The following SLC25A21 variants were observed in gnomAD, a reference collection of about 807,000 sequenced individuals.
SLC25A21 encodes the protein mitochondrial 2-oxodicarboxylate carrier.
A neutral mutation model predicts 43.8 loss-of-function variants in SLC25A21; 47 were observed. The observed-to-expected ratio is 1.07, with a 90% CI of 0.85 to 1.37. The LOEUF (loss-of-function observed/expected upper bound fraction) is 1.37. Ranked by LOEUF, SLC25A21 falls within the 40% of genes most tolerant of loss-of-function variation. SLC25A21 has a pLI of 0.00. For synonymous variants in SLC25A21, 131 were observed against 121.3 expected (o/e 1.08, Z -0.52); for missense variants, 352 against 350.2 (o/e 1.00, Z -0.04).
intron 1 of SLC25A21, among the ~76,000 whole-genome samples, chr14:36,971,669 C>T (rs1959753243): frequency 6.6e-6 from 1 of 152,018 alleles, no homozygotes; most frequent in Non-Finnish European, 1.5e-5. Flanking sequence ...CTTTCTTCTG[C>T]CTATTAAACT....
chr14:36,723,337 A>C (rs1403390350), intron 6 of SLC25A21, among the ~76,000 whole-genome samples: 1 of 152,254 alleles, frequency 6.6e-6, no homozygotes, highest in East Asian at 1.9e-4. Flanking sequence ...TCAGCTACTG[A>C]ATTCTGCTAG....
At chr14:37,109,595 T>C (rs1407990154) in intron 1 of SLC25A21, among the ~76,000 whole-genome samples, 1 of 152,180 alleles carries the variant, frequency 6.6e-6, no homozygotes, top group South Asian at 2.1e-4. Flanking sequence ...CAGAGAGTGG[T>C]TGCGAAAGTA....
At chr14:36,760,581 T>C (rs536646566) in intron 3 of SLC25A21, among the ~76,000 whole-genome samples, 7 of 152,324 alleles carry the variant, frequency 4.6e-5, no homozygotes, top group Non-Finnish European at 8.8e-5. Flanking sequence ...AGCTCCATAC[T>C]GGCACTCCCT....
At chr14:36,877,399 A>T (rs1890568768) in intron 1 of SLC25A21, among the ~76,000 whole-genome samples, 1 of 152,226 alleles carries the variant, frequency 6.6e-6, no homozygotes, top group Non-Finnish European at 1.5e-5. Flanking sequence ...AACAGATAAT[A>T]GATCAGATGA....
intron 7 of SLC25A21, among the ~76,000 whole-genome samples, chr14:36,696,304 G>A (rs567204711): frequency 1.8e-4 from 28 of 152,304 alleles, no homozygotes; most frequent in African/African-American, 6.5e-4. Context: ...GCTGGATTCG[G>A]TTTGCCAGTA....
At chr14:36,870,834 A>G (rs530140287) in intron 2 of SLC25A21, 1 of 152,146 alleles carries the variant, frequency 6.6e-6, no homozygotes, top group African/African-American at 2.4e-5. Context: ...TCATGCTTAT[A>G]AGGCTTGGAA....
At chr14:36,918,919 C>T (rs1326501387) in intron 1 of SLC25A21, among the ~76,000 whole-genome samples, 1 of 151,754 alleles carries the variant, frequency 6.6e-6, no homozygotes, top group Non-Finnish European at 1.5e-5. Flanking sequence ...ATTTAACAAC[C>T]CTCCTCTGTG....
Position 36,754,936 on chromosome 14 carries a change from T to G in SLC25A21, c.204-20363A>C, listed in dbSNP as rs150560199. On this transcript the variant is annotated intron_variant, in intron 3 of 9. Coordinates refer to ENST00000331299, the MANE Select transcript of SLC25A21 (RefSeq NM_030631.4). ...AGCTAAGGGATGAGAAAAATTGAAT[T>G]TAGAAAACTCAATACACAGTTAATA... Among the ~76,000 whole-genome samples, 909 of 152,240 alleles carry G rather than the reference T, an allele frequency of 6.0e-3. 10 individuals are homozygous for G. The highest frequency in any genetic ancestry group is 0.02 in the African/African-American group (844 of 41,532).
intron 1 of SLC25A21, among the ~76,000 whole-genome samples, chr14:36,998,954 G>A (rs1566803025): frequency 6.6e-6 from 1 of 152,136 alleles, no homozygotes; most frequent in Non-Finnish European, 1.5e-5. Context: ...CTCATTCACT[G>A]TGTGAATGCA....
chr14:36,972,537 G>T (rs867267454), intron 1 of SLC25A21, among the ~76,000 whole-genome samples: 12 of 152,266 alleles, frequency 7.9e-5, no homozygotes, highest in Middle Eastern at 3.4e-3. Flanking sequence ...CAAGTAAACT[G>T]AACACTGGCC....
intron 7 of SLC25A21, among the ~76,000 whole-genome samples, chr14:36,689,162 CT>C (rs1165207430): frequency 6.6e-6 from 1 of 152,224 alleles, no homozygotes; most frequent in Non-Finnish European, 1.5e-5. Flanking sequence ...CAAGTCACAT[CT>C]TACGTGGATG....
intron 1 of SLC25A21, among the ~76,000 whole-genome samples, chr14:37,168,452 T>C (rs1190249020): frequency 1.3e-5 from 2 of 152,138 alleles, no homozygotes; most frequent in Non-Finnish European, 2.9e-5. Context: ...GACAGACCTA[T>C]ATCGTTATAG....
intron 1 of SLC25A21, among the ~76,000 whole-genome samples, chr14:37,170,031 G>A (rs1449426237): frequency 1.3e-5 from 2 of 151,988 alleles, no homozygotes; most frequent in Non-Finnish European, 2.9e-5. Flanking sequence ...AGTAGGATCA[G>A]AGTTTGATCT....
intron 7 of SLC25A21, among the ~76,000 whole-genome samples, chr14:36,707,271 G>A (rs746805015): frequency 1.3e-5 from 2 of 152,072 alleles, no homozygotes; most frequent in East Asian, 1.9e-4. Flanking sequence ...TCTCCTTTAC[G>A]CTCCTAAATG....
intron 1 of SLC25A21, among the ~76,000 whole-genome samples, chr14:36,924,041 G>C (rs1892056954): frequency 6.6e-6 from 1 of 152,144 alleles, no homozygotes. Flanking sequence ...TGCTGGAGAG[G>C]ATGTGGAGAA....
intron 2 of SLC25A21, among the ~76,000 whole-genome samples, chr14:36,844,890 G>A (rs1383289104): frequency 6.6e-6 from 1 of 152,170 alleles, no homozygotes; most frequent in African/African-American, 2.4e-5. Context: ...TCCTTTAGCT[G>A]GGACACAGCA....
intron 2 of SLC25A21, among the ~76,000 whole-genome samples, chr14:36,864,689 T>C (rs187875434): frequency 2.0e-3 from 310 of 152,276 alleles, no homozygotes; most frequent in African/African-American, 7.2e-3. Flanking sequence ...CATGACAAAA[T>C]CCCAATTAAA....
chr14:36,800,545 G>A (rs1371432581), intron 3 of SLC25A21, among the ~76,000 whole-genome samples: 1 of 152,100 alleles, frequency 6.6e-6, no homozygotes, highest in African/African-American at 2.4e-5. Context: ...AACTCATGGA[G>A]ACTGAACATA....
chr14:36,720,379 G>A (rs1884325955), intron 6 of SLC25A21, among the ~76,000 whole-genome samples: 1 of 152,242 alleles, frequency 6.6e-6, no homozygotes, highest in Admixed American at 6.5e-5. Context: ...AATATGCTGT[G>A]TAGGACACCA....
Sources: gnomAD v4.1 joint callset for allele counts (sites outside exome capture counted in the v4.1 genomes callset) on GRCh38, gnomAD v4.1.1 for gene constraint, MANE v1.5 for transcripts, NCBI Gene and HGNC (gene_info 2026-07-23, HGNC 2026-07-21) for gene names.